The following PAK3 variants were observed in gnomAD, a reference collection of about 807,000 sequenced individuals.
PAK3 encodes the protein serine/threonine-protein kinase PAK 3.
Under a neutral mutation model 41.0 loss-of-function variants are expected in PAK3, and 4 were observed. The ratio of observed to expected loss-of-function variants is 0.10; its 90% CI spans 0.05 to 0.22. PAK3 has a LOEUF of 0.22. PAK3 is among the 10% of genes least tolerant of loss of function. The probability of loss-of-function intolerance (pLI) is 1.00; values close to 1 mark genes in which losing one functional copy is unlikely to be tolerated. For synonymous variants in PAK3, 146 were observed against 139.6 expected, an observed-to-expected ratio of 1.05 and a Z score of -0.32; for missense variants, 205 against 409.9, an observed-to-expected ratio of 0.50 and a Z score of 4.32.
chrX:110,986,628 T>C (rs191955700), intron 1 of PAK3, among the ~76,000 whole-genome samples: 15 of 111,920 alleles, frequency 1.3e-4, no homozygotes, highest in Admixed American at 4.7e-4. Context: ...TCCCCACTTA[T>C]TTTATCAGAT....
intron 1 of PAK3, among the ~76,000 whole-genome samples, chrX:111,017,564 A>G (rs1405612014): frequency 1.8e-5 from 2 of 112,192 alleles, no homozygotes; most frequent in Non-Finnish European, 3.8e-5. Flanking sequence ...CAATGCCAAT[A>G]CACCTATAAC....
chrX:110,991,248 T>G (rs1231862784), intron 1 of PAK3, among the ~76,000 whole-genome samples: 3 of 112,450 alleles, frequency 2.7e-5, no homozygotes, highest in Non-Finnish European at 5.6e-5. Flanking sequence ...TAATGATTAT[T>G]TCTGCCTCAT....
intron 1 of PAK3, among the ~76,000 whole-genome samples, chrX:111,000,652 A>G (rs781659178): frequency 5.3e-5 from 6 of 112,300 alleles, no homozygotes; most frequent in Admixed American, 4.7e-4. Flanking sequence ...TGGTTTCAAT[A>G]ATCTTAGTAT....
intron 8 of PAK3, among the ~76,000 whole-genome samples, chrX:111,161,988 CT>C (rs1310125845): frequency 3.6e-5 from 4 of 111,841 alleles, no homozygotes; most frequent in African/African-American, 9.8e-5. Flanking sequence ...GGTTTTTAAA[CT>C]TGAGCTTGCA....
chrX:111,099,747 A>T (rs2093089039), intron 3 of PAK3, among the ~76,000 whole-genome samples: 3 of 99,892 alleles, frequency 3.0e-5, no homozygotes, highest in African/African-American at 1.1e-4. Context: ...AGACAGTGAC[A>T]GTCTGGGACC....
chrX:111,167,824 G>A (rs1394668258), intron 10 of PAK3, among the ~76,000 whole-genome samples: 1 of 110,827 alleles, frequency 9.0e-6, no homozygotes, highest in Non-Finnish European at 1.9e-5. Context: ...GTATATCTGT[G>A]TAACAAAACT....
intron 5 of PAK3, among the ~76,000 whole-genome samples, chrX:111,123,716 C>T (rs978477127): frequency 1.8e-5 from 2 of 111,815 alleles, no homozygotes; most frequent in Non-Finnish European, 3.8e-5. Flanking sequence ...AATCAGTCCA[C>T]GTTGCCACAA....
chrX:111,132,390 A>G (rs1420609762), intron 5 of PAK3, among the ~76,000 whole-genome samples: 1 of 111,444 alleles, frequency 9.0e-6, no homozygotes, highest in Non-Finnish European at 1.9e-5. Context: ...CTGTGACTAC[A>G]AAAGTTGCTT....
At chrX:111,019,907 C>A (rs2092152071) in intron 1 of PAK3, among the ~76,000 whole-genome samples, 1 of 110,951 alleles carries the variant, frequency 9.0e-6, no homozygotes, top group Non-Finnish European at 1.9e-5. Flanking sequence ...CACAAACACA[C>A]AAAAAATAAC....
At chrX:110,970,793 G>A (rs1242807264) in intron 1 of PAK3, among the ~76,000 whole-genome samples, 2 of 112,020 alleles carry the variant, frequency 1.8e-5, no homozygotes, top group African/African-American at 6.5e-5. Flanking sequence ...TTTGTATGAT[G>A]ATATTGTATC....
In PAK3 at chrX:111,194,474, T is replaced by C. The variant is rs1003097272; in HGVS notation, c.1110+56T>C. Reference sequence around the variant, plus strand: ...GACCACCGAAATTGGCAGTTCTTCATTTCTGATTATTCAGAATGTTTGTAT... The same window carrying C: ...GACCACCGAAATTGGCAGTTCTTCACTTCTGATTATTCAGAATGTTTGTAT... On this transcript the variant is annotated intron_variant, in intron 14 of 17. Transcript: ENST00000372007. 5 of 644,476 alleles carry C rather than the reference T, an allele frequency of 7.8e-6. No individual in the cohort carries two copies. In the African/African-American group the frequency reaches 1.1e-4, roughly 14 times the overall value. The allele number at this position is 644,476 out of a possible 1,213,427, so 53.1% of individuals were successfully genotyped here.
intron 1 of PAK3, among the ~76,000 whole-genome samples, chrX:111,002,426 A>C (rs193244210): frequency 6.7e-4 from 75 of 111,712 alleles, no homozygotes; most frequent in African/African-American, 2.3e-3. Context: ...CATGCTCTGA[A>C]AAGGCAGATT....
intron 1 of PAK3, among the ~76,000 whole-genome samples, chrX:111,033,532 A>C (rs939568447): frequency 8.9e-6 from 1 of 111,836 alleles, no homozygotes; most frequent in African/African-American, 3.3e-5. Flanking sequence ...GAGCTGGCAA[A>C]GGAAGAACTC....
chrX:110,944,644 G>A (rs912858849), intron 1 of PAK3: 1 of 112,388 alleles, frequency 8.9e-6, no homozygotes, highest in Non-Finnish European at 1.9e-5. Context: ...TGCAGGGGGG[G>A]CGCTTTGTTG....
chrX:111,081,321 C>G (rs1269262662), intron 1 of PAK3, among the ~76,000 whole-genome samples: 1 of 111,091 alleles, frequency 9.0e-6, no homozygotes, highest in Non-Finnish European at 1.9e-5. Context: ...CTAGCCTGGG[C>G]AACATGGCAA....
intron 4 of PAK3, among the ~76,000 whole-genome samples, chrX:111,105,176 G>A (rs1186711251): frequency 2.7e-5 from 3 of 110,911 alleles, no homozygotes; most frequent in East Asian, 2.8e-4. Context: ...TCACATTCAC[G>A]TATTCACATT....
chrX:111,109,817 C>T (rs769480518), intron 4 of PAK3, among the ~76,000 whole-genome samples: 1 of 112,207 alleles, frequency 8.9e-6, no homozygotes, highest in Non-Finnish European at 1.9e-5. Context: ...AGTTTACTTA[C>T]GACAAAGCCC....
chrX:111,214,793 C>T (rs1010031275), intron 16 of PAK3, among the ~76,000 whole-genome samples: 3 of 110,801 alleles, frequency 2.7e-5, no homozygotes, highest in South Asian at 3.9e-4. Flanking sequence ...AGGACTTTTA[C>T]AGAAATACCT....
At chrX:111,111,514 G>C (rs1186609572) in intron 4 of PAK3, among the ~76,000 whole-genome samples, 3 of 111,706 alleles carry the variant, frequency 2.7e-5, no homozygotes, top group Non-Finnish European at 5.7e-5. Context: ...TATTATAAGT[G>C]CCGTTCTATT....
Sources: allele counts gnomAD v4.1 joint callset (sites outside exome capture counted in the v4.1 genomes callset), GRCh38; gene constraint gnomAD v4.1.1; transcripts MANE v1.5; gene names NCBI Gene and HGNC (gene_info 2026-07-23, HGNC 2026-07-21).